Variants in CPEB4 observed in about 807,000 individuals in gnomAD.
CPEB4 encodes cytoplasmic polyadenylation element-binding protein 4.
Under a neutral mutation model 72.5 loss-of-function variants are expected in CPEB4, and 12 were observed. The observed-to-expected ratio is 0.17, with a 90% CI of 0.11 to 0.27. The LOEUF (loss-of-function observed/expected upper bound fraction) is 0.27. Ranked by LOEUF, CPEB4 falls within the 10% of genes least tolerant of loss-of-function variation. CPEB4 has a pLI of 1.00. For missense variants in CPEB4, 614 were observed against 908.5 expected, an observed-to-expected ratio of 0.68 and a Z score of 4.17; for synonymous variants, 302 against 326.3, an observed-to-expected ratio of 0.93 and a Z score of 0.80.
At chr5:173,928,506 T>C (rs1757328846) in intron 2 of CPEB4, among the ~76,000 whole-genome samples, 1 of 152,228 alleles carries the variant, frequency 6.6e-6, no homozygotes, top group Admixed American at 6.5e-5. Context: ...TATGCAAATA[T>C]GCTTATATAA....
chr5:173,932,418 T>C, intron 2 of CPEB4, 32 bp from the exon 3 acceptor site: 1 of 1,586,292 alleles, frequency 6.3e-7, no homozygotes, highest in Non-Finnish European at 8.6e-7. Context: ...ATGAAAAAAG[T>C]AAACTTAGTA....
chr5:173,952,741 A>G (rs1758253259), intron 8 of CPEB4, among the ~76,000 whole-genome samples: 1 of 152,192 alleles, frequency 6.6e-6, no homozygotes. Context: ...TATGGCAGCA[A>G]CATGGCACAG....
intron 1 of CPEB4, among the ~76,000 whole-genome samples, chr5:173,891,922 A>G (rs1313666420): frequency 6.6e-6 from 1 of 152,138 alleles, no homozygotes; most frequent in Non-Finnish European, 1.5e-5. Flanking sequence ...TGAGAAATAT[A>G]TAATAACTTA....
At chr5:173,904,257 C>A (rs1002389768) in intron 1 of CPEB4, among the ~76,000 whole-genome samples, 3 of 152,114 alleles carry the variant, frequency 2.0e-5, no homozygotes, top group Non-Finnish European at 4.4e-5. Context: ...CTGAACATAT[C>A]TAATTGTATC....
chr5:173,939,493 T>C (rs1757752413), intron 3 of CPEB4, among the ~76,000 whole-genome samples: 1 of 152,204 alleles, frequency 6.6e-6, no homozygotes, highest in African/African-American at 2.4e-5. Context: ...TAATATTTTA[T>C]TTTTATAATA....
At position 173,957,520 on chromosome 5, in the gene CPEB4, T is replaced by C. The variant is rs1324818528; in HGVS notation, c.*1383T>C. 6.5e-6 allele frequency: 1 copy of C among 152,800 alleles called. No individual in the cohort carries two copies. Among genetic ancestry groups the C allele is most frequent in the African/African-American group, 2.4e-5 (1 of 41,460 alleles). The allele number at this position is 152,800 out of a possible 1,614,324, so 9.5% of individuals were successfully genotyped here. ...ATGCATGCTTTATTATAAATAAAATTCTAGCTTTGAAAGGCGTTATGTGTT... is the reference window on the plus strand; with the variant it reads ...ATGCATGCTTTATTATAAATAAAATCCTAGCTTTGAAAGGCGTTATGTGTT... On this transcript the variant is annotated 3_prime_UTR_variant, in exon 10 of 10. Coordinates refer to ENST00000265085, the MANE Select transcript of CPEB4 (RefSeq NM_030627.4).
In CPEB4 at chr5:173,950,640, C is replaced by A. The variant is rs1758185823; in HGVS notation, c.1665+562C>A. Among the ~76,000 whole-genome samples, 3 of 151,354 alleles carry A rather than the reference C, an allele frequency of 2.0e-5. No homozygotes were observed. Among genetic ancestry groups the A allele is most frequent in the Non-Finnish European group, 2.9e-5 (2 of 67,916 alleles). On this transcript the variant is annotated intron_variant, in intron 7 of 9. Coordinates refer to ENST00000265085, the MANE Select transcript of CPEB4 (RefSeq NM_030627.4). This position sits in a 1 kb window ranked among gnomAD's most constrained non-coding sequence, Gnocchi z 5.0. ...AAATAAAATAAAATAAAATAAAAAA[C>A]CAGACTTCATTTGATAATGCATTTA...
intron 1 of CPEB4, chr5:173,891,286 G>C (rs1245477596): frequency 6.6e-6 from 1 of 152,612 alleles, no homozygotes; most frequent in Non-Finnish European, 1.5e-5. Context: ...CTATAAGGTA[G>C]TGATTCACTG....
chr5:173,902,852 A>G (rs573619540), intron 1 of CPEB4, among the ~76,000 whole-genome samples: 1 of 152,350 alleles, frequency 6.6e-6, no homozygotes, highest in Non-Finnish European at 1.5e-5. Context: ...CCATAATTCT[A>G]TAAAAGCAAG....
chr5:173,943,401 C>A (rs1411396279), intron 4 of CPEB4, among the ~76,000 whole-genome samples: 7 of 152,096 alleles, frequency 4.6e-5, no homozygotes, highest in African/African-American at 1.4e-4. Context: ...ACACTAGTCC[C>A]AAAATACCTC....
At chr5:173,896,653 T>C (rs113313385) in intron 1 of CPEB4, among the ~76,000 whole-genome samples, 82 of 152,334 alleles carry the variant, frequency 5.4e-4, no homozygotes, top group Middle Eastern at 3.4e-3. Context: ...GAAGCTGTTG[T>C]AAAAATAAAT....
At chr5:173,923,478 G>C (rs1269639580) in intron 2 of CPEB4, among the ~76,000 whole-genome samples, 1 of 152,052 alleles carries the variant, frequency 6.6e-6, no homozygotes, top group Non-Finnish European at 1.5e-5. Flanking sequence ...GTTCATGTCA[G>C]CACAGAGAGC....
intron 1 of CPEB4, among the ~76,000 whole-genome samples, chr5:173,902,995 T>A (rs924988118): frequency 1.3e-5 from 2 of 151,674 alleles, no homozygotes; most frequent in Non-Finnish European, 2.9e-5. Context: ...ATTTGACCAG[T>A]TGTGAGAGAG....
At position 173,959,009 on chromosome 5, in the gene CPEB4, A is replaced by C. The variant is rs1272304547; in HGVS notation, c.*2872A>C. On this transcript the variant is annotated 3_prime_UTR_variant, in exon 10 of 10. Coordinates refer to ENST00000265085, the MANE Select transcript of CPEB4 (RefSeq NM_030627.4). ...AGTGTGTTTACAGATTATTGGTTAC[A>C]CTTCAATTTACAGGGCATAAACAAT... 6.5e-6 allele frequency: 1 copy of C among 152,770 alleles called. No individual in the cohort carries two copies. Among genetic ancestry groups the C allele is most frequent in the Non-Finnish European group, 1.5e-5 (1 of 68,030 alleles). The allele number at this position is 152,770 out of a possible 1,614,324, so 9.5% of individuals were successfully genotyped here. A position where few individuals can be genotyped will look rare whatever the true frequency, so the allele number is the denominator to read the frequency against.
Position 173,960,795 on chromosome 5 carries a change from A to G in CPEB4, c.*4658A>G, listed in dbSNP as rs780481098. The G allele has an allele frequency of 2.6e-5, 4 of 152,212 alleles. No individual in the cohort carries two copies. Among genetic ancestry groups the G allele is most frequent in the East Asian group, 1.9e-4 (1 of 5,192 alleles). 9.4% of individuals were successfully genotyped at this position (152,212 alleles called of 1,614,324 possible). On this transcript the variant is annotated 3_prime_UTR_variant, in exon 10 of 10. Transcript: ENST00000265085. Reference sequence around the variant, plus strand: ...TTGACTTCCAATTCCCAGTTCCTCCATAGACCTTAATGTCATAGGATACGG... The same window carrying G: ...TTGACTTCCAATTCCCAGTTCCTCCGTAGACCTTAATGTCATAGGATACGG...
chr5:173,953,972 A>C (rs1053150601), intron 9 of CPEB4, among the ~76,000 whole-genome samples: 2 of 152,164 alleles, frequency 1.3e-5, no homozygotes, highest in African/African-American at 4.8e-5. Flanking sequence ...ATGTGTAATC[A>C]ACCACATTAC....
At chr5:173,893,124 A>G (rs976918352) in intron 1 of CPEB4, 3 of 151,888 alleles carry the variant, frequency 2.0e-5, no homozygotes, top group African/African-American at 7.3e-5. Context: ...GAAATAAATG[A>G]TTTGAAAAAA....
In CPEB4 at chr5:173,957,488, T is replaced by G. The variant is rs1245732595; in HGVS notation, c.*1351T>G. ...GTCAGTGTTTGAAGTGCCAACTTCA[T>G]CAAGTAATGCATGCTTTATTATAAA... is the stretch of plus-strand genomic sequence containing the variant. On this transcript the variant is annotated 3_prime_UTR_variant, in exon 10 of 10. Coordinates refer to ENST00000265085, the MANE Select transcript of CPEB4 (RefSeq NM_030627.4). 1 of 152,766 alleles carries G rather than the reference T, an allele frequency of 6.5e-6. No homozygotes were observed. The highest frequency in any genetic ancestry group is 2.4e-5 in the African/African-American group (1 of 41,444). 9.5% of individuals were successfully genotyped at this position (152,766 alleles called of 1,614,324 possible).
rs1398332105 is a variant in CPEB4 at position 173,950,682 on chromosome 5, A to G, written c.1665+604A>G. Among the ~76,000 whole-genome samples, 1 of 152,184 alleles carries G rather than the reference A, an allele frequency of 6.6e-6. No individual in the cohort carries two copies. The highest frequency in any genetic ancestry group is 6.6e-5 in the Admixed American group (1 of 15,266). The stretch of plus-strand genomic sequence containing the variant: ...ATGCATTTAATAAAATAGCAGAATC[A>G]ACTCTGAATAACGGAACTCAAATCA... On this transcript the variant is annotated intron_variant, in intron 7 of 9. Coordinates refer to ENST00000265085, the MANE Select transcript of CPEB4 (RefSeq NM_030627.4). This position sits in a 1 kb window ranked among gnomAD's most constrained non-coding sequence, Gnocchi z 5.0.
Sources: gnomAD v4.1 joint callset for allele counts (sites outside exome capture counted in the v4.1 genomes callset) on GRCh38, gnomAD v4.1.1 for gene constraint, Gnocchi (gnomAD v3.1) non-coding constraint, MANE v1.5 for transcripts, NCBI Gene and HGNC (gene_info 2026-07-23, HGNC 2026-07-21) for gene names.